GABRA2: variants seen among roughly 807,000 people sequenced by gnomAD.
GABRA2 encodes gamma-aminobutyric acid receptor subunit alpha-2.
Under a neutral mutation model 48.7 loss-of-function variants are expected in GABRA2, and 16 were observed. The observed-to-expected ratio is 0.33, with a 90% CI of 0.22 to 0.50. The LOEUF (loss-of-function observed/expected upper bound fraction) is 0.50, where lower values mean the gene tolerates loss of function less well. GABRA2 is among the 20% of genes least tolerant of loss of function. The probability of loss-of-function intolerance (pLI) is 0.98; values close to 1 mark genes in which losing one functional copy is unlikely to be tolerated. For missense variants in GABRA2, 275 were observed against 535.6 expected (o/e 0.51, Z 4.80); for synonymous variants, 185 against 184.5 (o/e 1.00, Z -0.02).
At chr4:46,293,511 G>A (rs540546983) in intron 8 of GABRA2, among the ~76,000 whole-genome samples, 140 of 152,316 alleles carry the variant, frequency 9.2e-4, no homozygotes, top group African/African-American at 2.7e-3. Flanking sequence ...AGGGGCTTAT[G>A]GAGGTCAGGG....
intron 8 of GABRA2, among the ~76,000 whole-genome samples, chr4:46,285,108 G>A (rs1008931668): frequency 6.7e-6 from 1 of 150,300 alleles, no homozygotes; most frequent in African/African-American, 2.4e-5. Flanking sequence ...GCAGGTCTTA[G>A]CATTTTTGTT....
chr4:46,375,457 T>A (rs1312251796), intron 3 of GABRA2, among the ~76,000 whole-genome samples: 3 of 152,084 alleles, frequency 2.0e-5, no homozygotes, highest in African/African-American at 7.2e-5. Flanking sequence ...TCAAAACAAA[T>A]AAGTTTTTCT....
At chr4:46,262,769 G>T (rs1388380673) in intron 8 of GABRA2, among the ~76,000 whole-genome samples, 1 of 151,852 alleles carries the variant, frequency 6.6e-6, no homozygotes, top group African/African-American at 2.4e-5. Context: ...GTGGTGGCAG[G>T]TGCCTGTAAT....
At chr4:46,382,924 G>T (rs1716956633) in intron 3 of GABRA2, among the ~76,000 whole-genome samples, 1 of 152,126 alleles carries the variant, frequency 6.6e-6, no homozygotes, top group Non-Finnish European at 1.5e-5. Context: ...CATCAACAGA[G>T]ATGTGCAGTT....
At chr4:46,377,251 A>T in intron 3 of GABRA2, among the ~76,000 whole-genome samples, 1 of 147,578 alleles carries the variant, frequency 6.8e-6, no homozygotes, top group Non-Finnish European at 1.5e-5. Flanking sequence ...GAAAGTGAGG[A>T]GCATCTCTGC....
intron 3 of GABRA2, among the ~76,000 whole-genome samples, chr4:46,338,123 T>C (rs1368336757): frequency 6.6e-6 from 1 of 151,938 alleles, no homozygotes; most frequent in African/African-American, 2.4e-5. Flanking sequence ...ACTGATTTTC[T>C]CAAGAGAGTG....
chr4:46,325,542 A>G (rs972262853), intron 4 of GABRA2, among the ~76,000 whole-genome samples: 4 of 151,878 alleles, frequency 2.6e-5, no homozygotes, highest in African/African-American at 9.7e-5. Context: ...TTGCTCTGTT[A>G]ATAGTTCCCT....
At chr4:46,389,252 GTCT>G (rs548279032) in intron 1 of GABRA2, 1 of 985,464 alleles carries the variant, frequency 1.0e-6, no homozygotes, top group Non-Finnish European at 1.2e-6. Flanking sequence ...CGGTCCTCAC[GTCT>G]TCTTTTCTTC....
At position 46,248,372 on chromosome 4, in the gene GABRA2, G is replaced by A. The variant is rs1714101424; in HGVS notation, c.*1936C>T. ...AAAATAGGATATCTTCTATTTCAAT[G>A]TATGAATAAAGTGCACATTTTAAAA... On this transcript the variant is annotated 3_prime_UTR_variant, in exon 10 of 10. Coordinates refer to ENST00000381620, the MANE Select transcript of GABRA2 (RefSeq NM_000807.4). The A allele has an allele frequency of 1.3e-5, 2 of 151,336 alleles. No homozygotes were observed. Among genetic ancestry groups the A allele is most frequent in the Non-Finnish European group, 3.0e-5 (2 of 67,612 alleles). 9.4% of individuals were successfully genotyped at this position (151,336 alleles called of 1,614,324 possible). A position where few individuals can be genotyped will look rare whatever the true frequency, so the allele number is the denominator to read the frequency against.
chr4:46,387,425 C>A (rs1034235919), intron 2 of GABRA2, among the ~76,000 whole-genome samples: 1 of 152,058 alleles, frequency 6.6e-6, no homozygotes, highest in African/African-American at 2.4e-5. Context: ...AACTGGTAAC[C>A]AACTTCAAAC....
chr4:46,341,254 G>T (rs577980951), intron 3 of GABRA2, among the ~76,000 whole-genome samples: 1 of 152,000 alleles, frequency 6.6e-6, no homozygotes, highest in South Asian at 2.1e-4. Context: ...ATTGATTCCA[G>T]TTTTTTCTGT....
chr4:46,273,499 A>AC (rs1719835775), intron 8 of GABRA2, among the ~76,000 whole-genome samples: 1 of 26,324 alleles, frequency 3.8e-5, no homozygotes, highest in Non-Finnish European at 7.5e-5. Context: ...ATATATATAT[A>AC]TGCATATATA....
At chr4:46,315,779 T>G (rs1728440537) in intron 4 of GABRA2, among the ~76,000 whole-genome samples, 1 of 151,968 alleles carries the variant, frequency 6.6e-6, no homozygotes, top group Admixed American at 6.6e-5. Flanking sequence ...TACAAACACC[T>G]TGTAACCATC....
chr4:46,367,862 G>A (rs1318893551), intron 3 of GABRA2: 4 of 152,048 alleles, frequency 2.6e-5, no homozygotes, highest in African/African-American at 9.7e-5. Flanking sequence ...GCAAAATATT[G>A]CTAGTTCTTC....
At chr4:46,309,298 A>G (rs991106726) in intron 6 of GABRA2, among the ~76,000 whole-genome samples, 1 of 152,110 alleles carries the variant, frequency 6.6e-6, no homozygotes, top group Non-Finnish European at 1.5e-5. Flanking sequence ...AGGAGAAGGC[A>G]TACTATTCAG....
intron 4 of GABRA2, among the ~76,000 whole-genome samples, chr4:46,316,564 A>C (rs961032298): frequency 4.6e-5 from 7 of 152,002 alleles, no homozygotes; most frequent in Non-Finnish European, 1.0e-4. Context: ...GATATTTTTA[A>C]ATTGAAATCC....
intron 3 of GABRA2, among the ~76,000 whole-genome samples, chr4:46,377,923 C>G (rs1181930271): frequency 6.6e-6 from 1 of 150,712 alleles, no homozygotes; most frequent in African/African-American, 2.4e-5. Flanking sequence ...TCTGCCCGGC[C>G]GCCCCTACTG....
intron 4 of GABRA2, among the ~76,000 whole-genome samples, chr4:46,328,509 T>C (rs570235466): frequency 1.3e-5 from 2 of 152,148 alleles, no homozygotes; most frequent in East Asian, 3.9e-4. Context: ...CTAAATTTGT[T>C]CTTTATTTTT....
chr4:46,266,275 A>G (rs1718201513), intron 8 of GABRA2, among the ~76,000 whole-genome samples: 2 of 148,174 alleles, frequency 1.3e-5, no homozygotes, highest in South Asian at 4.2e-4. Flanking sequence ...TTTTATATTA[A>G]TAAGATAGTA....
Sources: allele counts gnomAD v4.1 joint callset (sites outside exome capture counted in the v4.1 genomes callset), GRCh38; gene constraint gnomAD v4.1.1; transcripts MANE v1.5; gene names NCBI Gene and HGNC (gene_info 2026-07-23, HGNC 2026-07-21).